Variants in ITGA5 observed in about 807,000 individuals in gnomAD.
ITGA5 encodes the protein integrin subunit alpha 5, also known as integrin alpha-5.
In ITGA5, 55 loss-of-function variants were observed where a neutral mutation model predicts 146.3. The observed-to-expected ratio is 0.38, with a 90% CI of 0.30 to 0.47. The LOEUF (loss-of-function observed/expected upper bound fraction) is 0.47. ITGA5 is among the 20% of genes least tolerant of loss of function. The pLI is 0.99. For missense variants in ITGA5, 1,131 were observed against 1,329.0 expected, an observed-to-expected ratio of 0.85 and a Z score of 2.32; for synonymous variants, 500 against 531.8, an observed-to-expected ratio of 0.94 and a Z score of 0.82.
At chr12:54,399,587 G>T in intron 27 of ITGA5, 58 bp downstream of exon 27, 8 of 1,199,826 alleles carry the variant, frequency 6.7e-6, no homozygotes, top group Non-Finnish European at 8.7e-6. Flanking sequence ...AGAAAGGGGT[G>T]GGTCAGTCTA....
chr12:54,411,072 G>A (rs576491505), intron 2 of ITGA5, among the ~76,000 whole-genome samples: 2 of 152,076 alleles, frequency 1.3e-5, no homozygotes, highest in South Asian at 4.2e-4. Context: ...ATGTTGGCCA[G>A]GATGGTCTTG....
At chr12:54,414,018 T>C (rs1955976885) in intron 1 of ITGA5, among the ~76,000 whole-genome samples, 1 of 151,758 alleles carries the variant, frequency 6.6e-6, no homozygotes, top group African/African-American at 2.4e-5. Flanking sequence ...AGACAGAGAG[T>C]TTACAAAGCT....
intron 20 of ITGA5, 34 bp downstream of exon 20, chr12:54,402,146 T>A: frequency 6.2e-7 from 1 of 1,613,194 alleles, no homozygotes; most frequent in Non-Finnish European, 8.5e-7. Context: ...TAGAGGGGTA[T>A]CCTCCCAAAT....
rs373708305 is a variant in ITGA5 at position 54,404,233 on chromosome 12, C to A, written c.1477G>T (p.Val493Leu). 7 of 1,600,748 alleles carry A rather than the reference C, an allele frequency of 4.4e-6. No homozygotes were observed. Among genetic ancestry groups the A allele is most frequent in the Non-Finnish European group, 3.4e-6 (4 of 1,173,350 alleles). ...KAVVYRGRPI[V>L]SASASLTIFP... ...ATGGTGAGGGAGGCACTAGCGGACA[C>A]GATGGGGCGGCCCCTGCCAAGAGTG... Residue 493 changes from valine to leucine, a missense_variant, in exon 15 of 30, where the codon GTG (valine) becomes TTG (leucine). Coordinates refer to ENST00000293379, the MANE Select transcript of ITGA5 (RefSeq NM_002205.5).
intron 1 of ITGA5, among the ~76,000 whole-genome samples, chr12:54,418,301 C>T (rs533721945): frequency 6.6e-6 from 1 of 151,594 alleles, no homozygotes; most frequent in South Asian, 2.1e-4. Flanking sequence ...CCAGGGTCCC[C>T]GCACTCGCCC....
intron 25 of ITGA5, chr12:54,400,525 G>A: frequency 3.5e-6 from 1 of 284,728 alleles, no homozygotes. Flanking sequence ...AGATGTTAAT[G>A]AGTAAATGAA....
In ITGA5 at chr12:54,416,671, C is replaced by T. The variant is rs1229634320; in HGVS notation, c.218+2310G>A. Among the ~76,000 whole-genome samples, 1 of 152,190 alleles carries T rather than the reference C, an allele frequency of 6.6e-6. No individual in the cohort carries two copies. The highest frequency in any genetic ancestry group is 1.5e-5 in the Non-Finnish European group (1 of 68,038). ...TTTGTATATGTTTTCTCATTTAGTC[C>T]TCAGAACTCCGTTAGTCAGGTGTCT... On this transcript the variant is annotated intron_variant, in intron 1 of 29. Transcript: ENST00000293379. The surrounding 1 kb of genome is among the most constrained non-coding windows in gnomAD (Gnocchi z 4.1).
rs563812013 is a variant in ITGA5, at chr12:54,402,658, C to T, written c.1982+325G>A. ...GAGGTTGCAGTGAGCCGAGATTGCG[C>T]CACTGCACTCCAGCCTGGGTGACAA... On this transcript the variant is annotated intron_variant, in intron 19 of 29. Transcript: ENST00000293379. 3.5e-4 allele frequency among the ~76,000 whole-genome samples: 53 copies of T among 151,914 alleles called. 1 individual carries two copies. Among genetic ancestry groups the T allele is most frequent in the African/African-American group, 1.2e-3 (48 of 41,400 alleles).
Position 54,399,730 on chromosome 12 carries a change from A to G in ITGA5, c.2756T>C (p.Leu919Pro). ...LKCPEAECFR[L>P]RCELGPLHQQ... ...GTGCAGGGGCCCGAGCTCACAGCGC[A>G]GCCTGAAACACTCAGCCTCCGGGCA... Residue 919 changes from leucine to proline, a missense_variant, in exon 27 of 30, where the codon CTG (leucine) becomes CCG (proline). Physicochemically the swap from Leu to Pro is moderately conservative, Grantham distance 98. Around this residue, in one of 3 missense-constraint regions of ITGA5, gnomAD observed 889 missense variants for 1,021.5 expected, o/e 0.87. Transcript: ENST00000293379. The G allele has an allele frequency of 6.2e-7, 1 of 1,614,216 alleles. No homozygotes were observed. Among genetic ancestry groups the G allele is most frequent in the African/African-American group, 1.3e-5 (1 of 75,056 alleles).
chr12:54,407,804 C>T (rs762117274), intron 8 of ITGA5, 28 bp downstream of exon 8: 2 of 1,609,840 alleles, frequency 1.2e-6, no homozygotes, highest in African/African-American at 1.3e-5. Context: ...ATCCCCCTCC[C>T]TTGGCCCCAG....
At position 54,408,640 on chromosome 12, in the gene ITGA5, C is replaced by G. The variant is rs1172282966; in HGVS notation, c.691+116G>C. 11 of 917,806 alleles carry G rather than the reference C, an allele frequency of 1.2e-5. No homozygotes were observed. In the Middle Eastern group the frequency reaches 1.9e-3, roughly 161 times the overall value. 56.9% of individuals were successfully genotyped at this position (917,806 alleles called of 1,614,324 possible). A position where few individuals can be genotyped will look rare whatever the true frequency, so the allele number is the denominator to read the frequency against. On this transcript the variant is annotated intron_variant, in intron 6 of 29. Coordinates refer to ENST00000293379, the MANE Select transcript of ITGA5 (RefSeq NM_002205.5). The stretch of plus-strand genomic sequence containing the variant: ...ACTTGGGAGGCTGAGGCAGGAGAAT[C>G]GCTTGAACCTGGGCAGCAGAGGTTG...
At chr12:54,411,044 T>G (rs1342269219) in intron 2 of ITGA5, among the ~76,000 whole-genome samples, 2 of 152,162 alleles carry the variant, frequency 1.3e-5, no homozygotes, top group Non-Finnish European at 2.9e-5. Context: ...ATGTTTTTGG[T>G]AGAGACAGGG....
rs2098298464 is a variant in ITGA5 at position 54,403,436 on chromosome 12, C to G, written c.1777-112G>C. On this transcript the variant is annotated intron_variant, in intron 17 of 29. Transcript: ENST00000293379. This position sits in a 1 kb window ranked among gnomAD's most constrained non-coding sequence, Gnocchi z 4.9. ...CTGCTTAGGGCCCAATTCCGACCAT[C>G]CTCATTGTTTCAGAGGCCCTGGCAG... 1 of 1,366,380 alleles carries G rather than the reference C, an allele frequency of 7.3e-7. No homozygotes were observed. The highest frequency in any genetic ancestry group is 1.5e-5 in the African/African-American group (1 of 68,690). The allele number at this position is 1,366,380 out of a possible 1,614,324, so 84.6% of individuals were successfully genotyped here.
chr12:54,405,800 C>T, intron 10 of ITGA5, 70 bp downstream of exon 10: 6 of 1,601,826 alleles, frequency 3.7e-6, no homozygotes, highest in Admixed American at 3.3e-5. Flanking sequence ...GTTGGGCTGA[C>T]ATTATTAGGT....
Position 54,403,272 on chromosome 12 carries a change from A to C in ITGA5, c.1829T>G (p.Phe610Cys). The C allele has an allele frequency of 6.4e-7, 1 of 1,563,038 alleles. No individual in the cohort carries two copies. Among genetic ancestry groups the C allele is most frequent in the Non-Finnish European group, 8.6e-7 (1 of 1,157,804 alleles). Reference protein sequence around the residue: ...KLSPIHIALNFSLDPQAPVDS... With the variant: ...KLSPIHIALNCSLDPQAPVDS... ...CACTGGGGCTTGGGGGTCCAAGGAGAAGTTGAGAGCGATGTGAATCGGCGA... is the reference window on the plus strand; with the variant it reads ...CACTGGGGCTTGGGGGTCCAAGGAGCAGTTGAGAGCGATGTGAATCGGCGA... Residue 610 changes from phenylalanine to cysteine, a missense_variant, in exon 18 of 30, where the codon TTC becomes TGC. This residue lies in a region of ITGA5 where 889 missense variants were observed against 1,021.5 expected (regional missense o/e 0.87). Transcript: ENST00000293379. This position sits in a 1 kb window ranked among gnomAD's most constrained non-coding sequence, Gnocchi z 4.9.
At chr12:54,405,966 C>A (rs768429616) in intron 9 of ITGA5, 40 bp from the exon 10 acceptor site, 1 of 1,556,190 alleles carries the variant, frequency 6.4e-7, no homozygotes, top group South Asian at 1.1e-5. Context: ...CCTGGACTCC[C>A]AGAATATCCC....
intron 6 of ITGA5, 35 bp from the exon 7 acceptor site, chr12:54,408,270 G>A (rs201477422): frequency 3.1e-6 from 5 of 1,611,100 alleles, no homozygotes; most frequent in Non-Finnish European, 3.4e-6. Flanking sequence ...AGATGGAGAG[G>A]AAGTGGCAGA....
chr12:54,402,318 A>G lies in ITGA5; in HGVS notation c.1995T>C (p.His665=), dbSNP rs1955797389. ...LQLEVFGEQN[H]VYLGDKNALN... ...GGGCATTCTTGTCACCCAGGTACACATGGTTCTGCTCCCTGGAAGGGACAC... is the reference window on the plus strand; with the variant it reads ...GGGCATTCTTGTCACCCAGGTACACGTGGTTCTGCTCCCTGGAAGGGACAC... Residue 665 remains histidine, a synonymous_variant, in exon 20 of 30, where the codon CAT becomes CAC. Transcript: ENST00000293379. 1 of 1,613,406 alleles carries G rather than the reference A, an allele frequency of 6.2e-7. No homozygotes were observed. Among genetic ancestry groups the G allele is most frequent in the East Asian group, 2.2e-5 (1 of 44,866 alleles).
In ITGA5 at chr12:54,409,809, T is replaced by C. The variant is rs992416497; in HGVS notation, c.350-212A>G. On this transcript the variant is annotated intron_variant, in intron 2 of 29. Transcript: ENST00000293379. The surrounding 1 kb of genome is among the most constrained non-coding windows in gnomAD (Gnocchi z 4.7). ...TATCTCTCCACTACACACATACACA[T>C]ACACACACACACATACATACACACG... 6 of 541,164 alleles carry C rather than the reference T, an allele frequency of 1.1e-5. No homozygotes were observed. The highest frequency in any genetic ancestry group is 3.3e-5 in the Admixed American group (1 of 30,708). 33.5% of individuals were successfully genotyped at this position (541,164 alleles called of 1,614,324 possible). A position where few individuals can be genotyped will look rare whatever the true frequency, so the allele number is the denominator to read the frequency against.
Sources: allele counts gnomAD v4.1 joint callset (sites outside exome capture counted in the v4.1 genomes callset), GRCh38; gene constraint gnomAD v4.1.1; regional missense constraint gnomAD v4.1.1; non-coding constraint Gnocchi (gnomAD v3.1); transcripts MANE v1.5; gene names NCBI Gene and HGNC (gene_info 2026-07-23, HGNC 2026-07-21).